DST: variants seen among roughly 807,000 people sequenced by gnomAD.
DST encodes the protein bullous pemphigoid antigen.
DST carries 253 observed loss-of-function variants against 875.2 expected under a neutral mutation model. The observed-to-expected ratio is 0.29, with a 90% confidence interval of 0.26 to 0.32. DST has a LOEUF of 0.32. Ranked by LOEUF, DST falls within the 10% of genes least tolerant of loss-of-function variation. The probability of loss-of-function intolerance (pLI) is 1.00; values close to 1 mark genes in which losing one functional copy is unlikely to be tolerated. For synonymous variants in DST, 3,124 were observed against 3,197.1 expected (o/e 0.98, Z 0.77); for missense variants, 8,287 against 9,111.6 (o/e 0.91, Z 3.68).
intron 8 of DST, 54 bp downstream of exon 8, chr6:56,701,834 G>T: frequency 9.2e-7 from 1 of 1,090,546 alleles, no homozygotes; most frequent in Non-Finnish European, 1.4e-6. Flanking sequence ...GTTTCTACGT[G>T]GATGTATTAG....
At chr6:56,775,258 C>T (rs533142673) in intron 4 of DST, among the ~76,000 whole-genome samples, 1 of 152,224 alleles carries the variant, frequency 6.6e-6, no homozygotes, top group East Asian at 1.9e-4. Context: ...TCTAAACAAC[C>T]CTAACAGTCT....
At chr6:56,717,314 T>C (rs542663305) in intron 5 of DST, among the ~76,000 whole-genome samples, 1 of 151,850 alleles carries the variant, frequency 6.6e-6, no homozygotes, top group African/African-American at 2.4e-5. Context: ...TGACAGGAGG[T>C]GGAGCTCAGG....
At chr6:56,923,841 T>C (rs1805566789) in intron 2 of DST, among the ~76,000 whole-genome samples, 2 of 152,150 alleles carry the variant, frequency 1.3e-5, no homozygotes, top group South Asian at 2.1e-4. Context: ...ACCTTCCCTA[T>C]GGCCAGGCAT....
rs1254411465 is a variant in DST at position 56,872,831 on chromosome 6, C to CCCCG, written c.418-21228_418-21227insCGGG. Among the ~76,000 whole-genome samples, 575 of 125,608 alleles carry CCCCG rather than the reference C, an allele frequency of 4.6e-3. 11 individuals carry two copies. The highest frequency in any genetic ancestry group is 7.6e-3 in the Non-Finnish European group (433 of 56,864). 82.4% of individuals were successfully genotyped at this position (125,608 alleles called of 152,430 possible). A position where few individuals can be genotyped will look rare whatever the true frequency, so the allele number is the denominator to read the frequency against. ...TCTTCAATACACTGATTCCCCCCCC[C>CCCCG]CTTTTTTTTTTTTTCGGATATATAC... On this transcript the variant is annotated intron_variant, in intron 3 of 103. Transcript: ENST00000680361.
chr6:56,729,124 TA>T (rs1306552121), intron 5 of DST, among the ~76,000 whole-genome samples: 1 of 152,184 alleles, frequency 6.6e-6, no homozygotes, highest in Non-Finnish European at 1.5e-5. Context: ...TGCAACTTTT[TA>T]AAGTTTAAAA....
At position 56,609,328 on chromosome 6, in the gene DST, G is replaced by A; in HGVS notation, c.5300C>T (p.Ala1767Val). 6.2e-7 allele frequency: 1 copy of A among 1,606,042 alleles called. No individual in the cohort carries two copies. Among genetic ancestry groups the A allele is most frequent in the Non-Finnish European group, 8.5e-7 (1 of 1,175,762 alleles). The change falls in exon 40 of 104, where the codon GCA (alanine) becomes GTA (valine). Residue 1767 changes from alanine (A) to valine (V), a missense_variant. By Grantham distance (64) the Ala-to-Val change is moderately conservative (BLOSUM62 0). Transcript: ENST00000680361. ...KVEEKLDKVI[A>V]GTIDQTTGEV... is the part of the protein sequence containing the mutation. Reference sequence around the variant, plus strand: ...TCCAGTTGTCTGATCAATGGTGCCTGCAATCACTTTATCCAGCTGAAAGGA... The same window carrying A: ...TCCAGTTGTCTGATCAATGGTGCCTACAATCACTTTATCCAGCTGAAAGGA...
intron 33 of DST, 75 bp downstream of exon 33, chr6:56,627,924 A>G (rs1043130683): frequency 1.4e-6 from 2 of 1,401,296 alleles, no homozygotes; most frequent in African/African-American, 1.4e-5. Context: ...TTCATTTAAC[A>G]TAGGAAAGGA....
chr6:56,459,222 T>C lies in DST; in HGVS notation c.23240A>G (p.Lys7747Arg), dbSNP rs777047077. The change falls in exon 104 of 104, where the codon AAA becomes AGA. Residue 7747 changes from lysine (K) to arginine (R), a missense_variant. By Grantham distance (26) the Lys-to-Arg change is conservative (BLOSUM62 2). This residue lies in a region of DST where 240 missense variants were observed against 237.3 expected (regional missense o/e 1.01). Transcript: ENST00000680361. The part of the protein sequence containing the change: ...PSRPGSRAGS[K>R]AGSRASSRRG... ...GCGGCTGCTGGCCCTGCTGCCAGCT[T>C]TGCTTCCAGCTCGACTTCCTGGTCG... The C allele has an allele frequency of 6.2e-7, 1 of 1,613,466 alleles. No individual in the cohort carries two copies. Among genetic ancestry groups the C allele is most frequent in the South Asian group, 1.1e-5 (1 of 90,960 alleles).
At chr6:56,887,588 ACTAT>A (rs1199785097) in intron 3 of DST, among the ~76,000 whole-genome samples, 3 of 152,192 alleles carry the variant, frequency 2.0e-5, no homozygotes, top group Non-Finnish European at 4.4e-5. Context: ...AGTGTAAGTG[ACTAT>A]CTAAATGTTT....
At chr6:56,837,572 A>T (rs1451574674) in intron 4 of DST, among the ~76,000 whole-genome samples, 1 of 152,278 alleles carries the variant, frequency 6.6e-6, no homozygotes, top group East Asian at 1.9e-4. Context: ...CTGCCTAAAG[A>T]ATAGGCACTC....
intron 103 of DST, among the ~76,000 whole-genome samples, chr6:56,459,763 C>G (rs577905194): frequency 6.6e-6 from 1 of 152,106 alleles, no homozygotes; most frequent in Non-Finnish European, 1.5e-5. Flanking sequence ...CATTATTTTG[C>G]GAAGCAATGT....
chr6:56,835,130 T>G (rs188125075), intron 4 of DST, among the ~76,000 whole-genome samples: 43 of 152,340 alleles, frequency 2.8e-4, no homozygotes, highest in Non-Finnish European at 3.1e-4. Context: ...TATGACATTC[T>G]GTAAAAACAT....
At chr6:56,772,080 G>A (rs535731211) in intron 4 of DST, among the ~76,000 whole-genome samples, 159 of 152,276 alleles carry the variant, frequency 1.0e-3, no homozygotes, top group African/African-American at 3.6e-3. Context: ...CCTAGCATGT[G>A]GGGTCCAGGT....
At chr6:56,616,810 A>C in intron 36 of DST, 1 of 1,614,184 alleles carries the variant, frequency 6.2e-7, no homozygotes, top group Non-Finnish European at 8.5e-7. Context: ...TAGAAGAATA[A>C]GAATATCCCA....
At chr6:56,832,189 C>T (rs2099787961) in intron 4 of DST, among the ~76,000 whole-genome samples, 1 of 152,086 alleles carries the variant, frequency 6.6e-6, no homozygotes, top group Non-Finnish European at 1.5e-5. Flanking sequence ...ATTGTTAGAG[C>T]TTCTGAGATT....
chr6:56,481,977 T>G, intron 90 of DST, 73 bp downstream of exon 90: 1 of 1,493,742 alleles, frequency 6.7e-7, no homozygotes, highest in Non-Finnish European at 9.1e-7. Flanking sequence ...CAGTTGATAT[T>G]TGTAATCCCG....
chr6:56,530,562 T>C (rs2096878990), intron 64 of DST, among the ~76,000 whole-genome samples: 1 of 152,158 alleles, frequency 6.6e-6, no homozygotes, highest in Non-Finnish European at 1.5e-5. Context: ...AATCAAATGG[T>C]CAAAACTGGT....
chr6:56,740,933 T>C (rs1054247557), intron 4 of DST, among the ~76,000 whole-genome samples: 1 of 152,100 alleles, frequency 6.6e-6, no homozygotes, highest in African/African-American at 2.4e-5. Context: ...AAAATCTTTA[T>C]AATTCAAGAA....
intron 99 of DST, among the ~76,000 whole-genome samples, chr6:56,465,841 C>T (rs753884612): frequency 8.1e-5 from 12 of 147,822 alleles, no homozygotes; most frequent in Non-Finnish European, 1.2e-4. Context: ...TAGTATTTCC[C>T]GCCCACCATA....
Sources: allele counts gnomAD v4.1 joint callset (sites outside exome capture counted in the v4.1 genomes callset), GRCh38; gene constraint gnomAD v4.1.1; regional missense constraint gnomAD v4.1.1; transcripts MANE v1.5; gene names NCBI Gene and HGNC (gene_info 2026-07-23, HGNC 2026-07-21).